The following P2RY14 variants were observed in gnomAD, a reference collection of about 807,000 sequenced individuals.
P2RY14 encodes purinergic receptor P2Y14.
P2RY14 carries 2 observed loss-of-function variants against 0.9 expected under a neutral mutation model. The ratio of observed to expected loss-of-function variants is 2.16; its 90% CI spans 0.88 to 6.79. The LOEUF (loss-of-function observed/expected upper bound fraction) is 6.79. P2RY14 is among the 30% of genes most tolerant of loss of function. The pLI is 0.05. For synonymous variants in P2RY14, 158 were observed against 147.2 expected, an observed-to-expected ratio of 1.07 and a Z score of -0.53; for missense variants, 378 against 400.1, an observed-to-expected ratio of 0.94 and a Z score of 0.47.
chr3:151,271,646 A>G (rs555419527), intron 1 of P2RY14, among the ~76,000 whole-genome samples: 2 of 152,206 alleles, frequency 1.3e-5, no homozygotes, highest in African/African-American at 2.4e-5. Context: ...ATTGTGGTAT[A>G]CTCATAGAAT....
At chr3:151,246,130 C>G (rs1200610198) in intron 1 of P2RY14, among the ~76,000 whole-genome samples, 1 of 152,018 alleles carries the variant, frequency 6.6e-6, no homozygotes, top group East Asian at 1.9e-4. Context: ...AGGATACAAA[C>G]AAATGGAAGA....
At chr3:151,269,350 A>T (rs1229502326) in intron 1 of P2RY14, 1 of 164,026 alleles carries the variant, frequency 6.1e-6, no homozygotes, top group Non-Finnish European at 1.3e-5. Flanking sequence ...CAGTGACCTG[A>T]GATCGTGCCA....
At chr3:151,244,285 A>G (rs1345426851) in intron 1 of P2RY14, among the ~76,000 whole-genome samples, 1 of 128,456 alleles carries the variant, frequency 7.8e-6, no homozygotes, top group South Asian at 2.9e-4. Flanking sequence ...CATCTACAGA[A>G]CTCTCCACCC....
At chr3:151,239,298 G>C (rs1425782589) in intron 1 of P2RY14, among the ~76,000 whole-genome samples, 1 of 152,216 alleles carries the variant, frequency 6.6e-6, no homozygotes, top group African/African-American at 2.4e-5. Context: ...CATGGTTTTA[G>C]ATCCAATATT....
chr3:151,236,528 C>T (rs1577065509), intron 1 of P2RY14, among the ~76,000 whole-genome samples: 1 of 152,170 alleles, frequency 6.6e-6, no homozygotes, highest in African/African-American at 2.4e-5. Context: ...TGACAGTAAG[C>T]AGCTGCTCTT....
intron 2 of P2RY14, among the ~76,000 whole-genome samples, chr3:151,215,624 A>G (rs1217452462): frequency 6.6e-6 from 1 of 152,196 alleles, no homozygotes; most frequent in Non-Finnish European, 1.5e-5. Flanking sequence ...GTGTTGATTT[A>G]GGGCAGAGGG....
chr3:151,248,567 A>G (rs1160297905), intron 1 of P2RY14, among the ~76,000 whole-genome samples: 1 of 152,044 alleles, frequency 6.6e-6, no homozygotes, highest in Non-Finnish European at 1.5e-5. Flanking sequence ...CTACCCACAT[A>G]CCCATCCGAC....
chr3:151,228,451 C>G (rs892100249), intron 1 of P2RY14, among the ~76,000 whole-genome samples: 2 of 152,030 alleles, frequency 1.3e-5, no homozygotes, highest in Admixed American at 6.6e-5. Context: ...AGGCTCCTGA[C>G]AGTTTCCCCT....
chr3:151,266,530 G>A (rs368447856), intron 1 of P2RY14, among the ~76,000 whole-genome samples: 9 of 152,306 alleles, frequency 5.9e-5, no homozygotes, highest in Non-Finnish European at 7.4e-5. Context: ...TAAAAATCGC[G>A]TTTCAATTTT....
chr3:151,215,067 AC>A (rs1339614296), intron 2 of P2RY14, among the ~76,000 whole-genome samples: 1 of 152,030 alleles, frequency 6.6e-6, no homozygotes, highest in Non-Finnish European at 1.5e-5. Flanking sequence ...TCAAATGTTA[AC>A]CGGTATTTTT....
At chr3:151,239,783 C>A (rs1393334895) in intron 1 of P2RY14, among the ~76,000 whole-genome samples, 4 of 152,054 alleles carry the variant, frequency 2.6e-5, no homozygotes, top group Non-Finnish European at 4.4e-5. Flanking sequence ...TGTTAGTTTG[C>A]TTGTTTTAGC....
chr3:151,258,343 AT>A (rs1738216824), intron 1 of P2RY14, among the ~76,000 whole-genome samples: 1 of 152,154 alleles, frequency 6.6e-6, no homozygotes, highest in Admixed American at 6.5e-5. Flanking sequence ...TGACAAAATA[AT>A]TTTTAGTACT....
chr3:151,264,337 G>T (rs537082156), intron 1 of P2RY14, among the ~76,000 whole-genome samples: 1 of 152,324 alleles, frequency 6.6e-6, no homozygotes, highest in South Asian at 2.1e-4. Flanking sequence ...GTAATTATTG[G>T]ACATGCCATC....
At chr3:151,239,464 T>C (rs896825738) in intron 1 of P2RY14, among the ~76,000 whole-genome samples, 2 of 152,222 alleles carry the variant, frequency 1.3e-5, no homozygotes, top group Non-Finnish European at 2.9e-5. Flanking sequence ...GATATGAGAA[T>C]CCAACTGTCT....
At chr3:151,228,901 G>C (rs914137093) in intron 1 of P2RY14, among the ~76,000 whole-genome samples, 1 of 152,156 alleles carries the variant, frequency 6.6e-6, no homozygotes, top group Non-Finnish European at 1.5e-5. Context: ...GCAAGGAAAT[G>C]AATCCATGAC....
intron 1 of P2RY14, among the ~76,000 whole-genome samples, chr3:151,228,051 T>A (rs1220804313): frequency 6.6e-6 from 1 of 152,186 alleles, no homozygotes; most frequent in Admixed American, 6.5e-5. Context: ...AGCTTTCTTG[T>A]TGGGGTCAGA....
chr3:151,241,171 CT>C (rs1733998687), intron 1 of P2RY14, among the ~76,000 whole-genome samples: 2 of 152,122 alleles, frequency 1.3e-5, no homozygotes, highest in Non-Finnish European at 2.9e-5. Flanking sequence ...TCTCCTTGCC[CT>C]TTGGCATCTG....
chr3:151,221,522 G>A (rs1040937872), intron 1 of P2RY14, among the ~76,000 whole-genome samples: 1 of 152,172 alleles, frequency 6.6e-6, no homozygotes, highest in Admixed American at 6.5e-5. Context: ...GTGCAGCCTG[G>A]GGAATTGGTG....
At chr3:151,214,759 G>A (rs1012038266) in intron 2 of P2RY14, among the ~76,000 whole-genome samples, 2 of 152,082 alleles carry the variant, frequency 1.3e-5, no homozygotes, top group Non-Finnish European at 2.9e-5. Context: ...AATAATAATG[G>A]TTCCCTATAA....
Sources: allele counts gnomAD v4.1 joint callset (sites outside exome capture counted in the v4.1 genomes callset), GRCh38; gene constraint gnomAD v4.1.1; transcripts MANE v1.5; gene names NCBI Gene and HGNC (gene_info 2026-07-23, HGNC 2026-07-21).